Variants in CCSER1 observed in about 807,000 individuals in gnomAD.
CCSER1 encodes the protein coiled-coil serine rich protein 1.
In CCSER1, 41 loss-of-function variants were observed where a neutral mutation model predicts 82.0. That is an observed-to-expected ratio of 0.50 (90% CI 0.39 to 0.65). The LOEUF (loss-of-function observed/expected upper bound fraction) is 0.65. Ranked by LOEUF, CCSER1 falls within the 30% of genes least tolerant of loss-of-function variation. The probability of loss-of-function intolerance (pLI) is 0.00; values close to 1 mark genes in which losing one functional copy is unlikely to be tolerated. For synonymous variants in CCSER1, 414 were observed against 383.9 expected (o/e 1.08, Z -0.92); for missense variants, 1,119 against 1,064.2 (o/e 1.05, Z -0.72).
At position 90,775,494 on chromosome 4, in the gene CCSER1, C is replaced by A. The variant is rs1369318123; in HGVS notation, c.2011-40268C>A. Among the ~76,000 whole-genome samples the A allele has an allele frequency of 9.2e-5, 14 of 152,164 alleles. No individual in the cohort carries two copies. The South Asian group carries it at 2.9e-3, about 32-fold the overall frequency. On this transcript the variant is annotated intron_variant, in intron 7 of 10. Coordinates refer to ENST00000509176, the MANE Select transcript of CCSER1 (RefSeq NM_001145065.2). ...AAATGTGAATAGTAAGAAAAGATCA[C>A]TTTAAGGGGAATTTTGTTTTATCTT...
intron 1 of CCSER1, among the ~76,000 whole-genome samples, chr4:90,187,417 C>CCTCCCTTAT (rs1318601605): frequency 1.4e-5 from 2 of 145,648 alleles, no homozygotes; most frequent in East Asian, 4.1e-4. Context: ...ATGGTAATTA[C>CCTCCCTTAT]CTCCCTTATC....
At chr4:90,162,177 A>T (rs1729580081) in intron 1 of CCSER1, among the ~76,000 whole-genome samples, 1 of 152,116 alleles carries the variant, frequency 6.6e-6, no homozygotes. Flanking sequence ...GCTCATTTTG[A>T]CATATCCCCT....
At chr4:90,588,083 A>C (rs936846101) in intron 5 of CCSER1, among the ~76,000 whole-genome samples, 10 of 152,214 alleles carry the variant, frequency 6.6e-5, no homozygotes, top group Non-Finnish European at 1.5e-4. Flanking sequence ...CCAAATCATT[A>C]TCTTTTGGCT....
chr4:91,218,241 A>C (rs113135130), intron 10 of CCSER1, among the ~76,000 whole-genome samples: 8,823 of 152,252 alleles, frequency 0.058, 500 homozygotes, highest in African/African-American at 0.15. Flanking sequence ...CCGGGGCCAG[A>C]AGGGTTGGCT....
At chr4:91,228,209 C>A (rs1332965235) in intron 10 of CCSER1, among the ~76,000 whole-genome samples, 2 of 152,008 alleles carry the variant, frequency 1.3e-5, no homozygotes, top group East Asian at 1.9e-4. Flanking sequence ...TCCTGCTACT[C>A]GGTTTCTTAA....
intron 3 of CCSER1, among the ~76,000 whole-genome samples, chr4:90,385,646 A>G (rs1749923093): frequency 6.6e-6 from 1 of 151,926 alleles, no homozygotes; most frequent in African/African-American, 2.4e-5. Flanking sequence ...TTTTTTTGGT[A>G]GAGACAGGGT....
chr4:90,779,043 C>T (rs1287599867), intron 7 of CCSER1, among the ~76,000 whole-genome samples: 1 of 152,140 alleles, frequency 6.6e-6, no homozygotes, highest in Non-Finnish European at 1.5e-5. Flanking sequence ...TTATTTCCCT[C>T]AATGGATCTT....
intron 7 of CCSER1, among the ~76,000 whole-genome samples, chr4:90,792,208 A>G (rs1383485315): frequency 1.3e-5 from 2 of 151,928 alleles, no homozygotes; most frequent in Admixed American, 1.3e-4. Flanking sequence ...TGGAAATTTT[A>G]TATTGATGCT....
At chr4:91,193,856 T>C (rs1209357235) in intron 10 of CCSER1, among the ~76,000 whole-genome samples, 2 of 152,120 alleles carry the variant, frequency 1.3e-5, no homozygotes, top group Non-Finnish European at 2.9e-5. Context: ...CTGATGTCCC[T>C]TATGATTGCT....
At chr4:90,940,502 T>G (rs1006570413) in intron 9 of CCSER1, among the ~76,000 whole-genome samples, 1 of 152,142 alleles carries the variant, frequency 6.6e-6, no homozygotes, top group African/African-American at 2.4e-5. Context: ...AAATATTTAT[T>G]TGATTACATT....
chr4:90,781,622 C>T (rs1385986026), intron 7 of CCSER1: 32 of 973,920 alleles, frequency 3.3e-5, no homozygotes, highest in East Asian at 1.1e-4. Context: ...GTTTTTAATA[C>T]TTTTTTTCTG....
At chr4:91,551,157 A>ATG (rs1762139387) in intron 10 of CCSER1, among the ~76,000 whole-genome samples, 1 of 152,120 alleles carries the variant, frequency 6.6e-6, no homozygotes, top group South Asian at 2.1e-4. Flanking sequence ...ACAAAAGCTT[A>ATG]TGTATATATT....
intron 10 of CCSER1, among the ~76,000 whole-genome samples, chr4:91,597,986 A>G (rs1258653144): frequency 6.6e-6 from 1 of 152,224 alleles, no homozygotes. Context: ...TGATTAATAA[A>G]TTGCATCCAA....
At position 90,135,023 on chromosome 4, in the gene CCSER1, C is replaced by G. The variant is rs186038252; in HGVS notation, c.-42+7192C>G. ...AAAAATGTTTTTTTAACTAATTTTT[C>G]ACTTATGGCTTATTTTGTAGCTTTT... On this transcript the variant is annotated intron_variant, in intron 1 of 10. Transcript: ENST00000509176. 2.1e-3 allele frequency among the ~76,000 whole-genome samples: 319 copies of G among 152,194 alleles called. 4 individuals carry two copies. The highest frequency in any genetic ancestry group is 6.6e-3 in the African/African-American group (274 of 41,532).
intron 8 of CCSER1, among the ~76,000 whole-genome samples, chr4:90,822,897 A>G (rs1759950710): frequency 6.6e-6 from 1 of 152,176 alleles, no homozygotes; most frequent in African/African-American, 2.4e-5. Flanking sequence ...AAACAAAAAT[A>G]CTTATTATGT....
chr4:90,752,070 T>G (rs144074632), intron 7 of CCSER1, among the ~76,000 whole-genome samples: 24 of 152,234 alleles, frequency 1.6e-4, no homozygotes, highest in African/African-American at 5.5e-4. Flanking sequence ...AAGCTTTAAT[T>G]TATTGAGCAC....
At chr4:90,632,357 T>C (rs1724611199) in intron 6 of CCSER1, among the ~76,000 whole-genome samples, 1 of 152,078 alleles carries the variant, frequency 6.6e-6, no homozygotes, top group Non-Finnish European at 1.5e-5. Flanking sequence ...AAAATTTTCA[T>C]CAAGTAATTC....
intron 8 of CCSER1, among the ~76,000 whole-genome samples, chr4:90,839,992 C>T (rs1027682204): frequency 4.6e-5 from 7 of 151,798 alleles, no homozygotes; most frequent in African/African-American, 1.7e-4. Flanking sequence ...AATAATGTGA[C>T]TGTGTAATTA....
chr4:90,230,126 A>G (rs6532223), intron 1 of CCSER1, among the ~76,000 whole-genome samples: 93,033 of 151,892 alleles, frequency 0.61, 29,870 homozygotes, highest in East Asian at 0.83. Flanking sequence ...CGGACCTAAT[A>G]GACATCTACA....
Sources: gnomAD v4.1 joint callset for allele counts (sites outside exome capture counted in the v4.1 genomes callset) on GRCh38, gnomAD v4.1.1 for gene constraint, MANE v1.5 for transcripts, NCBI Gene and HGNC (gene_info 2026-07-23, HGNC 2026-07-21) for gene names.